EZH1: variants seen among roughly 807,000 people sequenced by gnomAD.
EZH1 encodes enhancer of zeste 1 polycomb repressive complex 2 subunit.
A neutral mutation model predicts 100.5 loss-of-function variants in EZH1; 33 were observed. That is an observed-to-expected ratio of 0.33 (90% confidence interval 0.25 to 0.44). EZH1 has a LOEUF of 0.44. Ranked by LOEUF, EZH1 falls within the 20% of genes least tolerant of loss-of-function variation. The probability of loss-of-function intolerance (pLI) is 1.00; values close to 1 mark genes in which losing one functional copy is unlikely to be tolerated. For synonymous variants in EZH1, 272 were observed against 313.8 expected (o/e 0.87, Z 1.41); for missense variants, 475 against 928.4 (o/e 0.51, Z 6.35).
At chr17:42,727,550 T>C (rs1269182210) in intron 4 of EZH1, 85 bp downstream of exon 4, 9 of 1,490,254 alleles carry the variant, frequency 6.0e-6, no homozygotes, top group Middle Eastern at 3.9e-4. Context: ...GTCTTACTTA[T>C]TCACTTTCTA....
intron 10 of EZH1, chr17:42,714,412 G>A: frequency 2.9e-6 from 1 of 345,194 alleles, no homozygotes; most frequent in Non-Finnish European, 5.8e-6. Flanking sequence ...AAGAGGGTTG[G>A]GAAAGCACTG....
In EZH1 at chr17:42,728,894, T is replaced by C. The variant is rs1415370325; in HGVS notation, c.48A>G (p.Lys16=). 6.2e-7 allele frequency: 1 copy of C among 1,613,906 alleles called. No individual in the cohort carries two copies. The highest frequency in any genetic ancestry group is 2.2e-5 in the East Asian group (1 of 44,864). Residue 16 remains lysine (K), a synonymous_variant, in exon 3 of 21, where the codon AAA becomes AAG. Transcript: ENST00000428826. ...GCATGTATTCAGATTTCACTTTTCT[T>C]TTCCAGTAAGTGATACATTTGGAGG... ...PPTSKCITYW[K]RKVKSEYMRL... is the part of the protein sequence containing the mutation.
chr17:42,731,452 C>T (rs1478620571), intron 1 of EZH1, among the ~76,000 whole-genome samples: 1 of 152,074 alleles, frequency 6.6e-6, no homozygotes, highest in African/African-American at 2.4e-5. Flanking sequence ...CTAGGCTCAG[C>T]TAACAGGCCT....
In EZH1 at chr17:42,718,401, G is replaced by T. The variant is rs2053645183; in HGVS notation, c.931+53C>A. On this transcript the variant is annotated intron_variant, in intron 9 of 20. Transcript: ENST00000428826. The surrounding 1 kb of genome is among the most constrained non-coding windows in gnomAD (Gnocchi z 4.2). Reference sequence around the variant, plus strand: ...AAACCAGAACAAAGAGAAGGAAATGGTGGCTGGGGATGGAAGAGAGGAGAG... The same window carrying T: ...AAACCAGAACAAAGAGAAGGAAATGTTGGCTGGGGATGGAAGAGAGGAGAG... The T allele has an allele frequency of 6.3e-7, 1 of 1,599,940 alleles. No individual in the cohort carries two copies. Among genetic ancestry groups the T allele is most frequent in the Non-Finnish European group, 8.5e-7 (1 of 1,171,086 alleles).
At chr17:42,734,703 G>C (rs559827675) in intron 1 of EZH1, among the ~76,000 whole-genome samples, 1 of 148,746 alleles carries the variant, frequency 6.7e-6, no homozygotes, top group Non-Finnish European at 1.5e-5. Context: ...AAAGAAAGAA[G>C]GAAGGAAGGG....
chr17:42,701,061 T>C lies in EZH1; in HGVS notation c.*1471A>G, dbSNP rs1208102601. On this transcript the variant is annotated 3_prime_UTR_variant, in exon 21 of 21. Coordinates refer to ENST00000428826, the MANE Select transcript of EZH1 (RefSeq NM_001991.5). ...CCCTTTCTACTCAACATACTGCTCC[T>C]TGTTCCCAGCCAGCCCGGCACACCC... The C allele has an allele frequency of 1.3e-5, 2 of 152,676 alleles. No individual in the cohort carries two copies. The highest frequency in any genetic ancestry group is 1.9e-4 in the East Asian group (1 of 5,340). The allele number at this position is 152,676 out of a possible 1,614,324, so 9.5% of individuals were successfully genotyped here. A position where few individuals can be genotyped will look rare whatever the true frequency, so the allele number is the denominator to read the frequency against.
rs73303771 is a variant in EZH1, at chr17:42,719,131, A to G, written c.741T>C (p.Asn247=). 3,256 of 1,613,946 alleles carry G rather than the reference A, an allele frequency of 2.0e-3. 70 individuals carry two copies. The African/African-American group carries it at 0.039, about 19-fold the overall frequency. The change falls in exon 8 of 21, where the codon AAT becomes AAC. Residue 247 remains asparagine, a synonymous_variant. Transcript: ENST00000428826. ...FSAIASMFPE[N]GVPDDMKERY... ...TCTCCTTCATGTCATCTGGGACACC[A>G]TTCTCAGGGAACATTGAGGCAATTG...
At chr17:42,729,745 G>GAAAAA in intron 2 of EZH1, among the ~76,000 whole-genome samples, 1 of 131,618 alleles carries the variant, frequency 7.6e-6, no homozygotes, top group Non-Finnish European at 1.6e-5. Flanking sequence ...TCTCAAAAAA[G>GAAAAA]AAAAAAAAAA....
At chr17:42,708,813 G>T in intron 14 of EZH1, 63 bp downstream of exon 14, 1 of 1,553,642 alleles carries the variant, frequency 6.4e-7, no homozygotes, top group Non-Finnish European at 8.9e-7. Context: ...AGGTGGGGTA[G>T]GGTGATGACC....
chr17:42,739,790 T>C (rs2054142043), intron 1 of EZH1, among the ~76,000 whole-genome samples: 1 of 150,252 alleles, frequency 6.7e-6, no homozygotes, highest in African/African-American at 2.4e-5. Flanking sequence ...CAGGATTAGT[T>C]TTTTTTTTTT....
Position 42,712,370 on chromosome 17 carries a change from A to G in EZH1, c.1320T>C (p.Ser440=). 1 of 1,614,220 alleles carries G rather than the reference A, an allele frequency of 6.2e-7. No homozygotes were observed. The highest frequency in any genetic ancestry group is 8.5e-7 in the Non-Finnish European group (1 of 1,180,040). ...EPVEWTGAEE[S]LFRVFHGTYF... is the part of the protein sequence containing the mutation. ...AGGTGCCATGGAAGACTCGAAAAAGAGATTCTTCAGCCCCAGTCCATTCCA... is the reference window on the plus strand; with the variant it reads ...AGGTGCCATGGAAGACTCGAAAAAGGGATTCTTCAGCCCCAGTCCATTCCA... The change falls in exon 12 of 21, where the codon TCT becomes TCC. Residue 440 remains serine, a synonymous_variant. Transcript: ENST00000428826.
At chr17:42,731,255 C>T (rs1446336692) in intron 1 of EZH1, among the ~76,000 whole-genome samples, 1 of 151,928 alleles carries the variant, frequency 6.6e-6, no homozygotes. Context: ...GTAGCTGGGA[C>T]TATAGGCGCG....
intron 19 of EZH1, 181 bp from the exon 20 acceptor site, chr17:42,703,142 C>T (rs2053278860): frequency 1.7e-6 from 1 of 586,586 alleles, no homozygotes; most frequent in African/African-American, 1.9e-5. Context: ...GAAAAATTAT[C>T]TTTATTATTA....
chr17:42,709,115 A>C, intron 13 of EZH1, 199 bp from the exon 14 acceptor site: 1 of 602,488 alleles, frequency 1.7e-6, no homozygotes, highest in Non-Finnish European at 3.0e-6. Context: ...ACAAGAGTTA[A>C]ACTTAAACAC....
chr17:42,717,139 C>A (rs2053621385), intron 10 of EZH1, among the ~76,000 whole-genome samples: 1 of 152,134 alleles, frequency 6.6e-6, no homozygotes, highest in Non-Finnish European at 1.5e-5. Flanking sequence ...TACCTCATGA[C>A]ACTGTTATAG....
At chr17:42,744,876 C>G in intron 1 of EZH1, 135 bp downstream of exon 1, 1 of 963,212 alleles carries the variant, frequency 1.0e-6, no homozygotes, top group South Asian at 1.6e-5. Context: ...CTGCTACCCC[C>G]GGCCAGGCAG....
chr17:42,737,748 A>G (rs2143879839), intron 1 of EZH1, among the ~76,000 whole-genome samples: 1 of 152,338 alleles, frequency 6.6e-6, no homozygotes, highest in Non-Finnish European at 1.5e-5. Context: ...TCTCTACAGG[A>G]AAAGAAAGCT....
At chr17:42,720,553 A>AT (rs2053685403) in intron 6 of EZH1, 104 bp from the exon 7 acceptor site, 1 of 977,606 alleles carries the variant, frequency 1.0e-6, no homozygotes, top group Admixed American at 3.3e-5. Flanking sequence ...GATATGTCAC[A>AT]TGTGTACATT....
At chr17:42,728,559 G>T (rs1332091334) in intron 3 of EZH1, among the ~76,000 whole-genome samples, 2 of 150,856 alleles carry the variant, frequency 1.3e-5, no homozygotes, top group African/African-American at 2.4e-5. Context: ...GGCTAACATG[G>T]TGAAACCCCA....
Sources: allele counts gnomAD v4.1 joint callset (sites outside exome capture counted in the v4.1 genomes callset), GRCh38; gene constraint gnomAD v4.1.1; non-coding constraint Gnocchi (gnomAD v3.1); transcripts MANE v1.5; gene names NCBI Gene and HGNC (gene_info 2026-07-23, HGNC 2026-07-21).